The following MCCC2 variants were observed in gnomAD, a reference collection of about 807,000 sequenced individuals.
The protein encoded by MCCC2 is methylcrotonyl-CoA carboxylase subunit 2, also known as methylcrotonoyl-CoA carboxylase beta chain, mitochondrial.
MCCC2 carries 52 observed loss-of-function variants against 77.2 expected under a neutral mutation model. The observed-to-expected ratio is 0.67, with a 90% CI of 0.54 to 0.85. MCCC2 has a LOEUF of 0.85. Among genes scored for constraint, MCCC2 ranks in the 40% least tolerant of loss-of-function variants. The probability of loss-of-function intolerance (pLI) is 0.00; values close to 1 mark genes in which losing one functional copy is unlikely to be tolerated. For synonymous variants in MCCC2, 253 were observed against 248.4 expected, an observed-to-expected ratio of 1.02 and a Z score of -0.18; for missense variants, 682 against 703.2, an observed-to-expected ratio of 0.97 and a Z score of 0.34.
chr5:71,592,847 T>C lies in MCCC2; in HGVS notation c.130-79T>C, dbSNP rs148854949. 1.2e-3 allele frequency: 1,393 copies of C among 1,149,816 alleles called. 23 individuals carry two copies. The African/African-American group carries it at 0.019, about 16-fold the overall frequency. The allele number at this position is 1,149,816 out of a possible 1,614,324, so 71.2% of individuals were successfully genotyped here. On this transcript the variant is annotated intron_variant, in intron 1 of 16. Coordinates refer to ENST00000340941, the MANE Select transcript of MCCC2 (RefSeq NM_022132.5). Reference sequence around the variant, plus strand: ...GTTGGCACAGACCACTGTTTTTTTTTTTTTTTTGACCTTTATTTTGGTAAA... The same window carrying C: ...GTTGGCACAGACCACTGTTTTTTTTCTTTTTTTGACCTTTATTTTGGTAAA...
At chr5:71,644,476 T>C (rs567331609) in intron 12 of MCCC2, among the ~76,000 whole-genome samples, 3 of 152,184 alleles carry the variant, frequency 2.0e-5, no homozygotes, top group Non-Finnish European at 4.4e-5. Flanking sequence ...ATTATTATTA[T>C]TTAATTCAAT....
intron 6 of MCCC2, among the ~76,000 whole-genome samples, chr5:71,619,976 G>A (rs1007454390): frequency 4.0e-5 from 6 of 151,116 alleles, no homozygotes; most frequent in Non-Finnish European, 5.9e-5. Context: ...GGGCGACAGA[G>A]TGAGACTCTG....
rs537890164 is a variant in MCCC2 at position 71,602,646 on chromosome 5, A to T, written c.511+13A>T. ...TGCATCTACTTAGGCAAGTCACCAG[A>T]GTGGTAAAATAAACTATTATTAGCT... On this transcript the variant is annotated intron_variant, in intron 5 of 16. Coordinates refer to ENST00000340941, the MANE Select transcript of MCCC2 (RefSeq NM_022132.5). The T allele has an allele frequency of 3.6e-5, 58 of 1,614,176 alleles. No individual in the cohort carries two copies. In the South Asian group the frequency reaches 5.6e-4, roughly 16 times the overall value.
intron 6 of MCCC2, among the ~76,000 whole-genome samples, chr5:71,621,300 G>T (rs1346560820): frequency 6.6e-6 from 1 of 152,032 alleles, no homozygotes; most frequent in Non-Finnish European, 1.5e-5. Flanking sequence ...CTTGAGCCAG[G>T]AGTGCTACCT....
At chr5:71,611,002 G>T (rs996356028) in intron 6 of MCCC2, among the ~76,000 whole-genome samples, 2 of 151,906 alleles carry the variant, frequency 1.3e-5, no homozygotes, top group African/African-American at 4.8e-5. Flanking sequence ...CAAAGAACAG[G>T]TTTTTAAAAG....
In MCCC2 at chr5:71,658,002, C is replaced by T. The variant is rs1382750236; in HGVS notation, c.*1142C>T. The T allele has an allele frequency of 6.6e-6, 1 of 152,222 alleles. No individual in the cohort carries two copies. The highest frequency in any genetic ancestry group is 1.5e-5 in the Non-Finnish European group (1 of 68,110). The allele number at this position is 152,222 out of a possible 1,614,324, so 9.4% of individuals were successfully genotyped here. A position where few individuals can be genotyped will look rare whatever the true frequency, so the allele number is the denominator to read the frequency against. ...TTTCCCCACTTATTTTTGTCTTTCA[C>T]TATCGCAGGCCTTAGAAGAGGTCTA... On this transcript the variant is annotated 3_prime_UTR_variant, in exon 17 of 17. Coordinates refer to ENST00000340941, the MANE Select transcript of MCCC2 (RefSeq NM_022132.5).
At chr5:71,637,568 A>G (rs1561843488) in intron 10 of MCCC2, among the ~76,000 whole-genome samples, 1 of 152,208 alleles carries the variant, frequency 6.6e-6, no homozygotes. Context: ...ATGACAGCCA[A>G]CTAATCAGGG....
chr5:71,639,725 C>T (rs573442830), intron 10 of MCCC2, among the ~76,000 whole-genome samples: 3 of 152,140 alleles, frequency 2.0e-5, no homozygotes, highest in East Asian at 1.9e-4. Context: ...TTTGAGCAGC[C>T]GTATCTCTGT....
At chr5:71,654,567 T>TC (rs1747531326) in intron 16 of MCCC2, among the ~76,000 whole-genome samples, 1 of 152,024 alleles carries the variant, frequency 6.6e-6, no homozygotes, top group Admixed American at 6.5e-5. Context: ...GTTTTTTTTT[T>TC]CCACATAAGA....
chr5:71,633,943 G>T (rs1314304987), intron 8 of MCCC2, among the ~76,000 whole-genome samples: 2 of 152,010 alleles, frequency 1.3e-5, no homozygotes, highest in Non-Finnish European at 1.5e-5. Flanking sequence ...GGCATCTGTG[G>T]GCTATGAAAA....
rs972960636 is a variant in MCCC2, at chr5:71,593,099, T to C, written c.196+107T>C. On this transcript the variant is annotated intron_variant, in intron 2 of 16. Transcript: ENST00000340941. ...AATTAAGCTTTTGATATTTTTTTTT[T>C]TTTTTTGAGATGGAGTCTTGCTCTC... 5.4e-5 allele frequency: 57 copies of C among 1,046,302 alleles called. No homozygotes were observed. In the South Asian group the frequency reaches 7.6e-4, roughly 14 times the overall value. 64.8% of individuals were successfully genotyped at this position (1,046,302 alleles called of 1,614,324 possible).
intron 7 of MCCC2, among the ~76,000 whole-genome samples, chr5:71,630,652 G>C (rs1479957803): frequency 6.6e-6 from 1 of 152,134 alleles, no homozygotes; most frequent in Admixed American, 6.6e-5. Context: ...TTTAGTTCTG[G>C]GGGTGGAATA....
chr5:71,638,004 G>A (rs1035693129), intron 10 of MCCC2, among the ~76,000 whole-genome samples: 2 of 151,990 alleles, frequency 1.3e-5, no homozygotes, highest in Non-Finnish European at 2.9e-5. Context: ...CACCCACCGC[G>A]CCTGGCCCAG....
chr5:71,626,915 T>G (rs1288022633), intron 7 of MCCC2, among the ~76,000 whole-genome samples, 162 bp downstream of exon 7: 1 of 152,262 alleles, frequency 6.6e-6, no homozygotes, highest in Non-Finnish European at 1.5e-5. Context: ...TGACGTTTAG[T>G]ATGTTCATAT....
intron 6 of MCCC2, among the ~76,000 whole-genome samples, chr5:71,625,855 T>C (rs1393827138): frequency 6.6e-6 from 1 of 152,212 alleles, no homozygotes; most frequent in Non-Finnish European, 1.5e-5. Flanking sequence ...TAAGGAAAAC[T>C]GATGGAATAT....
intron 4 of MCCC2, among the ~76,000 whole-genome samples, chr5:71,601,829 C>T (rs1745447901): frequency 6.6e-6 from 1 of 152,170 alleles, no homozygotes. Context: ...CCCCAACCAG[C>T]TGTGGTTGTT....
rs971508833 is a variant in MCCC2 at position 71,640,327 on chromosome 5, A to AT, written c.1000-667dup. Among the ~76,000 whole-genome samples, 23 of 90,856 alleles carry AT rather than the reference A, an allele frequency of 2.5e-4. No individual in the cohort carries two copies. In the East Asian group the frequency reaches 2.6e-3, roughly 10 times the overall value. The allele number at this position is 90,856 out of a possible 152,430, so 59.6% of individuals were successfully genotyped here. ...AACTGATAGTGCTGTTTATCCTTTTATTTTTTTTTCTAATTTATTATTTCT... is the reference window on the plus strand; with the variant it reads ...AACTGATAGTGCTGTTTATCCTTTTATTTTTTTTTTCTAATTTATTATTTCT... On this transcript the variant is annotated intron_variant, in intron 10 of 16. Coordinates refer to ENST00000340941, the MANE Select transcript of MCCC2 (RefSeq NM_022132.5).
chr5:71,631,361 G>A (rs1229691484), intron 7 of MCCC2, among the ~76,000 whole-genome samples: 1 of 152,116 alleles, frequency 6.6e-6, no homozygotes, highest in Non-Finnish European at 1.5e-5. Flanking sequence ...GGTCAGGAAA[G>A]CTGTGTAGAG....
In MCCC2 at chr5:71,650,198, C is replaced by T. The variant is rs769075063; in HGVS notation, c.1488+15C>T. The T allele has an allele frequency of 1.1e-5, 18 of 1,605,262 alleles. No individual in the cohort carries two copies. Among genetic ancestry groups the T allele is most frequent in the Non-Finnish European group, 6.0e-6 (7 of 1,173,454 alleles). ...AAGGAAAGCAGGTCGGTGTCGTTTT[C>T]TCTTGTTTCTCTCTGGTTTTGCCTC... On this transcript the variant is annotated intron_variant, in intron 15 of 16. Coordinates refer to ENST00000340941, the MANE Select transcript of MCCC2 (RefSeq NM_022132.5).
Sources: gnomAD v4.1 joint callset for allele counts (sites outside exome capture counted in the v4.1 genomes callset) on GRCh38, gnomAD v4.1.1 for gene constraint, MANE v1.5 for transcripts, NCBI Gene and HGNC (gene_info 2026-07-23, HGNC 2026-07-21) for gene names.